SRPK1: variants seen among roughly 807,000 people sequenced by gnomAD.
SRPK1 encodes SRSF protein kinase 1.
A neutral mutation model predicts 89.5 loss-of-function variants in SRPK1; 52 were observed. That is an observed-to-expected ratio of 0.58 (90% CI 0.46 to 0.73). The LOEUF (loss-of-function observed/expected upper bound fraction) is 0.73. Ranked by LOEUF, SRPK1 falls within the 30% of genes least tolerant of loss-of-function variation. SRPK1 has a pLI of 0.00. For synonymous variants in SRPK1, 255 were observed against 270.2 expected (o/e 0.94, Z 0.55); for missense variants, 603 against 780.6 (o/e 0.77, Z 2.71).
Position 35,835,236 on chromosome 6 carries a change from AGGAAAATGCTTGAAGGGGAAGG to A in SRPK1, c.*46_*67del, listed in dbSNP as rs1769152582. ...AAGAGCTTCACCCTGAAAAGGGAAGAGGAAAATGCTTGAAGGGGAAGGGCGGAGGGTCAGTGTGTGATCTCTG... is the reference window on the plus strand; with the variant it reads ...AAGAGCTTCACCCTGAAAAGGGAAGAGCGGAGGGTCAGTGTGTGATCTCTG... On this transcript the variant is annotated 3_prime_UTR_variant, in exon 16 of 16. Transcript: ENST00000373825. 2 of 1,349,774 alleles carry A rather than the reference AGGAAAATGCTTGAAGGGGAAGG, an allele frequency of 1.5e-6. No homozygotes were observed. Among genetic ancestry groups the A allele is most frequent in the Non-Finnish European group, 2.0e-6 (2 of 992,896 alleles). 83.6% of individuals were successfully genotyped at this position (1,349,774 alleles called of 1,614,324 possible).
chr6:35,874,419 T>C, intron 6 of SRPK1, 80 bp from the exon 7 acceptor site: 1 of 895,476 alleles, frequency 1.1e-6, no homozygotes, highest in East Asian at 2.6e-5. Flanking sequence ...CCCTATTAAA[T>C]GTTATGTATT....
intron 1 of SRPK1, 52 bp from the exon 2 acceptor site, chr6:35,920,580 C>T: frequency 6.3e-7 from 1 of 1,584,132 alleles, no homozygotes; most frequent in South Asian, 1.1e-5. Flanking sequence ...AGGAGGCGAC[C>T]AAGGTGAGGG....
At chr6:35,844,212 C>A (rs1769379932) in intron 13 of SRPK1, among the ~76,000 whole-genome samples, 2 of 151,870 alleles carry the variant, frequency 1.3e-5, no homozygotes, top group Admixed American at 1.3e-4. Flanking sequence ...ACCATGTTAG[C>A]CAGGATGGTC....
intron 7 of SRPK1, among the ~76,000 whole-genome samples, chr6:35,873,222 T>C (rs1770071726): frequency 6.6e-6 from 1 of 152,232 alleles, no homozygotes; most frequent in South Asian, 2.1e-4. Context: ...TTGAAGGCTC[T>C]TTAGAAAATT....
intron 2 of SRPK1, among the ~76,000 whole-genome samples, chr6:35,902,232 C>CAAA (rs58763282): frequency 1.9e-4 from 16 of 83,522 alleles, no homozygotes; most frequent in South Asian, 3.4e-4. Context: ...TCCGTCTCTA[C>CAAA]AAAAAAAAAA....
At chr6:35,881,480 G>GATATAC (rs1223917098) in intron 6 of SRPK1, among the ~76,000 whole-genome samples, 1 of 138,090 alleles carries the variant, frequency 7.2e-6, no homozygotes, top group Non-Finnish European at 1.6e-5. Flanking sequence ...TATAGATATA[G>GATATAC]ATCCAACTAT....
rs1769989879 is a variant in SRPK1 at position 35,869,759 on chromosome 6, C to A, written c.1134G>T (p.Glu378Asp). 2.5e-6 allele frequency: 4 copies of A among 1,613,794 alleles called. No homozygotes were observed. The highest frequency in any genetic ancestry group is 8.5e-7 in the Non-Finnish European group (1 of 1,179,806). Reference protein sequence around the residue: ...NSNNETLRHKEDLHNANDCDV... With the variant: ...NSNNETLRHKDDLHNANDCDV... ...CACAGTCATTAGCATTATGTAGATC[C>A]TCTTTATGTCTCAATGTTTCATTAT... Residue 378 changes from glutamate to aspartate, a missense_variant, in exon 11 of 16, where the codon GAG (glutamate) becomes GAT (aspartate). Coordinates refer to ENST00000373825, the MANE Select transcript of SRPK1 (RefSeq NM_003137.5).
At chr6:35,915,839 G>A (rs143245412) in intron 2 of SRPK1, among the ~76,000 whole-genome samples, 30 of 151,808 alleles carry the variant, frequency 2.0e-4, no homozygotes, top group African/African-American at 6.5e-4. Context: ...GGGCGTGGTG[G>A]CACACACCTG....
At chr6:35,839,238 A>C (rs1282277022) in intron 14 of SRPK1, among the ~76,000 whole-genome samples, 2 of 152,122 alleles carry the variant, frequency 1.3e-5, no homozygotes, top group Non-Finnish European at 2.9e-5. Context: ...CTGGTCTCAA[A>C]CTCCTGGGCT....
chr6:35,868,467 A>G (rs527895964), intron 12 of SRPK1, among the ~76,000 whole-genome samples: 1 of 152,352 alleles, frequency 6.6e-6, no homozygotes, highest in Non-Finnish European at 1.5e-5. Context: ...TGTCCTAAGA[A>G]AAACTATACA....
chr6:35,879,864 G>A (rs980769629), intron 6 of SRPK1, among the ~76,000 whole-genome samples: 1 of 151,946 alleles, frequency 6.6e-6, no homozygotes, highest in Non-Finnish European at 1.5e-5. Flanking sequence ...TTGAACCCAG[G>A]AGTTCAAGAC....
chr6:35,833,559 C>T lies in SRPK1; in HGVS notation c.*1745G>A, dbSNP rs1769107753. ...GCCGTTGTTTGATACAATCTATTCT[C>T]TTGATTCTTGATAGGTGCATAGAAA... On this transcript the variant is annotated 3_prime_UTR_variant, in exon 16 of 16. Coordinates refer to ENST00000373825, the MANE Select transcript of SRPK1 (RefSeq NM_003137.5). The T allele has an allele frequency of 6.6e-6, 1 of 152,592 alleles. No individual in the cohort carries two copies. Among genetic ancestry groups the T allele is most frequent in the Admixed American group, 6.5e-5 (1 of 15,270 alleles). The allele number at this position is 152,592 out of a possible 1,614,324, so 9.5% of individuals were successfully genotyped here. A position where few individuals can be genotyped will look rare whatever the true frequency, so the allele number is the denominator to read the frequency against.
intron 14 of SRPK1, among the ~76,000 whole-genome samples, chr6:35,841,454 A>G (rs1349739370): frequency 1.3e-5 from 2 of 152,238 alleles, no homozygotes; most frequent in Non-Finnish European, 2.9e-5. Context: ...AACATGCTCT[A>G]CATTGGGAGG....
chr6:35,918,004 G>A (rs530102756), intron 2 of SRPK1, among the ~76,000 whole-genome samples: 3 of 152,134 alleles, frequency 2.0e-5, no homozygotes, highest in Non-Finnish European at 4.4e-5. Context: ...CTCACCTCCT[G>A]TAACTAGCAG....
chr6:35,903,934 G>A (rs1022528170), intron 2 of SRPK1, among the ~76,000 whole-genome samples: 1 of 151,876 alleles, frequency 6.6e-6, no homozygotes, highest in African/African-American at 2.4e-5. Context: ...TTTCCAAATA[G>A]CTGGAACTAT....
chr6:35,858,192 C>T (rs568967527), intron 12 of SRPK1, among the ~76,000 whole-genome samples: 3 of 152,126 alleles, frequency 2.0e-5, no homozygotes, highest in Admixed American at 6.5e-5. Context: ...CTAGCAATTA[C>T]CACTCATTGC....
chr6:35,898,547 T>C (rs1268281707), intron 2 of SRPK1, among the ~76,000 whole-genome samples: 1 of 152,134 alleles, frequency 6.6e-6, no homozygotes, highest in Non-Finnish European at 1.5e-5. Flanking sequence ...AAGTTATGTA[T>C]TACTATATTT....
intron 6 of SRPK1, among the ~76,000 whole-genome samples, chr6:35,874,730 C>T (rs1770117339): frequency 6.6e-6 from 1 of 152,162 alleles, no homozygotes. Flanking sequence ...GGTAAAAATT[C>T]CCACTCTCAC....
chr6:35,858,781 T>C (rs1344679696), intron 12 of SRPK1, among the ~76,000 whole-genome samples: 1 of 151,944 alleles, frequency 6.6e-6, no homozygotes. Context: ...GGGACATATA[T>C]ATAGAGAAAA....
Sources: allele counts gnomAD v4.1 joint callset (sites outside exome capture counted in the v4.1 genomes callset), GRCh38; gene constraint gnomAD v4.1.1; transcripts MANE v1.5; gene names NCBI Gene and HGNC (gene_info 2026-07-23, HGNC 2026-07-21).